Variants in FAM227A observed in about 807,000 individuals in gnomAD.
FAM227A encodes protein FAM227A.
FAM227A carries 80 observed loss-of-function variants against 74.7 expected under a neutral mutation model. The ratio of observed to expected loss-of-function variants is 1.07; its 90% CI spans 0.89 to 1.29. FAM227A has a LOEUF of 1.29. FAM227A is among the 50% of genes most tolerant of loss of function. The pLI is 0.00. For synonymous variants in FAM227A, 237 were observed against 241.8 expected, an observed-to-expected ratio of 0.98 and a Z score of 0.19; for missense variants, 654 against 683.4, an observed-to-expected ratio of 0.96 and a Z score of 0.48.
In FAM227A at chr22:38,582,140, T is replaced by C; in HGVS notation, c.*3985A>G. On this transcript the variant is annotated 3_prime_UTR_variant, in exon 17 of 17. Transcript: ENST00000535113. ...TAGGTGTGTATACACCCATGAGCCA[T>C]TCACCACAATCAAGATAGTAGACAT... is the stretch of plus-strand genomic sequence containing the variant. 1 of 587,846 alleles carries C rather than the reference T, an allele frequency of 1.7e-6. No homozygotes were observed. Among genetic ancestry groups the C allele is most frequent in the South Asian group, 2.1e-5 (1 of 48,660 alleles). The allele number at this position is 587,846 out of a possible 1,614,324, so 36.4% of individuals were successfully genotyped here. A position where few individuals can be genotyped will look rare whatever the true frequency, so the allele number is the denominator to read the frequency against.
At chr22:38,632,145 G>A (rs2091926300) in intron 6 of FAM227A, among the ~76,000 whole-genome samples, 2 of 152,294 alleles carry the variant, frequency 1.3e-5, no homozygotes, top group African/African-American at 4.8e-5. Flanking sequence ...AGGTTAGATA[G>A]AGGCAGAGGG....
At chr22:38,643,272 C>T (rs1169479941) in intron 3 of FAM227A, among the ~76,000 whole-genome samples, 3 of 151,356 alleles carry the variant, frequency 2.0e-5, no homozygotes, top group Non-Finnish European at 2.9e-5. Context: ...GCCAAGATCA[C>T]GCCACTGCAC....
chr22:38,608,786 CTTGTTCCTTTTTTT>C (rs2091346039), intron 11 of FAM227A, among the ~76,000 whole-genome samples: 1 of 145,004 alleles, frequency 6.9e-6, no homozygotes, highest in Non-Finnish European at 1.5e-5. Context: ...AAATAAGACC[CTTGTTCCTTTTTTT>C]TTTTTTTTTT....
At chr22:38,626,126 C>A (rs759147092) in intron 9 of FAM227A, 54 bp downstream of exon 9, 1 of 1,539,696 alleles carries the variant, frequency 6.5e-7, no homozygotes, top group South Asian at 1.2e-5. Context: ...TAGGTGCCAG[C>A]GGAAAACATT....
At chr22:38,610,258 C>G (rs1168199683) in intron 11 of FAM227A, among the ~76,000 whole-genome samples, 1 of 152,124 alleles carries the variant, frequency 6.6e-6, no homozygotes, top group African/African-American at 2.4e-5. Flanking sequence ...CTCCTGGGCT[C>G]AAGCCATCCT....
At chr22:38,645,712 T>G in intron 2 of FAM227A, 67 bp from the exon 3 acceptor site, 6 of 997,108 alleles carry the variant, frequency 6.0e-6, no homozygotes, top group Non-Finnish European at 7.6e-6. Flanking sequence ...GGGGCTTGTC[T>G]GGTGAGAAGG....
chr22:38,629,035 TGTTA>T (rs1209878128), intron 6 of FAM227A, 100 bp from the exon 7 acceptor site: 2 of 696,226 alleles, frequency 2.9e-6, no homozygotes, highest in Non-Finnish European at 2.4e-6. Context: ...CCACCTAATC[TGTTA>T]GTGAGGCCCT....
Position 38,622,407 on chromosome 22 carries a change from G to C in FAM227A, c.958+765C>G, listed in dbSNP as rs138233583. ...GCCCTGCAACAGAGGGACTGGGCTT[G>C]CCTCCACCACCATGTTCCCAGTGCT... On this transcript the variant is annotated intron_variant, in intron 10 of 16. Transcript: ENST00000535113. 2.4e-3 allele frequency among the ~76,000 whole-genome samples: 367 copies of C among 152,330 alleles called. 4 individuals are homozygous for C. The highest frequency in any genetic ancestry group is 8.7e-3 in the African/African-American group (363 of 41,570).
intron 15 of FAM227A, among the ~76,000 whole-genome samples, chr22:38,596,858 C>T (rs2091056324): frequency 6.6e-6 from 1 of 152,078 alleles, no homozygotes; most frequent in African/African-American, 2.4e-5. Flanking sequence ...CTCTACACTA[C>T]TTTATTTAGT....
At chr22:38,593,743 T>C (rs1310861335) in intron 15 of FAM227A, among the ~76,000 whole-genome samples, 1 of 152,098 alleles carries the variant, frequency 6.6e-6, no homozygotes, top group Non-Finnish European at 1.5e-5. Context: ...CAGACTGGAG[T>C]GCACTGGCAT....
rs1436410460 is a variant in FAM227A at position 38,585,605 on chromosome 22, TCACAA to T, written c.*515_*519del. ...CCTCTAGGCCCATTTTCCTTTTCCC[TCACAA>T]CACTTTTCTCTTTTTCCTCTGTCCA... On this transcript the variant is annotated 3_prime_UTR_variant, in exon 17 of 17. Coordinates refer to ENST00000535113, the MANE Select transcript of FAM227A (RefSeq NM_001013647.2). 1 of 156,244 alleles carries T rather than the reference TCACAA, an allele frequency of 6.4e-6. No individual in the cohort carries two copies. Among genetic ancestry groups the T allele is most frequent in the Non-Finnish European group, 1.4e-5 (1 of 70,436 alleles). 9.7% of individuals were successfully genotyped at this position (156,244 alleles called of 1,614,324 possible). A position where few individuals can be genotyped will look rare whatever the true frequency, so the allele number is the denominator to read the frequency against.
At position 38,629,716 on chromosome 22, in the gene FAM227A, T is replaced by C. The variant is rs1423709335; in HGVS notation, c.520-781A>G. ...TTCTTTACCATCACTCACACACAGG[T>C]GCCTCTCCTTTACCATCAGGAAGCG... On this transcript the variant is annotated intron_variant, in intron 6 of 16. Coordinates refer to ENST00000535113, the MANE Select transcript of FAM227A (RefSeq NM_001013647.2). 5.9e-5 allele frequency among the ~76,000 whole-genome samples: 7 copies of C among 118,062 alleles called. No individual in the cohort carries two copies. The East Asian group carries it at 8.1e-4, about 14-fold the overall frequency. 77.5% of individuals were successfully genotyped at this position (118,062 alleles called of 152,430 possible).
intron 1 of FAM227A, among the ~76,000 whole-genome samples, chr22:38,652,614 T>C (rs1261148152): frequency 8.0e-6 from 1 of 124,416 alleles, no homozygotes; most frequent in Non-Finnish European, 1.7e-5. Context: ...AGGTCGGGCG[T>C]GGTGGCTTAC....
intron 13 of FAM227A, among the ~76,000 whole-genome samples, chr22:38,600,950 C>CAA (rs1175644017): frequency 3.6e-4 from 28 of 76,896 alleles, no homozygotes; most frequent in South Asian, 1.6e-3. Flanking sequence ...GACTCCGTCT[C>CAA]AAAAAAAAAA....
At chr22:38,648,963 C>A (rs2092284294) in intron 2 of FAM227A, among the ~76,000 whole-genome samples, 1 of 145,464 alleles carries the variant, frequency 6.9e-6, no homozygotes, top group African/African-American at 2.5e-5. Context: ...CAGAGTGAGA[C>A]TCTGTCTCAA....
At chr22:38,645,705 G>A in intron 2 of FAM227A, 60 bp from the exon 3 acceptor site, 1 of 1,108,032 alleles carries the variant, frequency 9.0e-7, no homozygotes, top group East Asian at 2.7e-5. Flanking sequence ...ACAGGATGGG[G>A]CTTGTCTGGT....
intron 15 of FAM227A, among the ~76,000 whole-genome samples, chr22:38,594,610 G>T (rs577405543): frequency 2.4e-4 from 36 of 152,246 alleles, no homozygotes; most frequent in South Asian, 2.3e-3. Flanking sequence ...GTTGGTGGTG[G>T]TGATGTCTAA....
chr22:38,599,772 C>A lies in FAM227A; in HGVS notation c.1371G>T (p.Thr457=). The change falls in exon 14 of 17, where the codon ACG becomes ACT. Residue 457 remains threonine (T), a synonymous_variant. Transcript: ENST00000535113. ...NVLIVRREKT[T]STPDCTPTYT... is the part of the protein sequence containing the mutation. The stretch of plus-strand genomic sequence containing the variant: ...CACAGTGACAAGGATATGGGGTGCT[C>A]GTGGTCTTTTCCCTTCTGACTATCA... The A allele has an allele frequency of 6.4e-7, 1 of 1,551,048 alleles. No individual in the cohort carries two copies. The highest frequency in any genetic ancestry group is 1.2e-5 in the South Asian group (1 of 83,932).
In FAM227A at chr22:38,625,926, G is replaced by A. The variant is rs550940564; in HGVS notation, c.850+254C>T. Among the ~76,000 whole-genome samples, 19 of 143,646 alleles carry A rather than the reference G, an allele frequency of 1.3e-4. No individual in the cohort carries two copies. In the East Asian group the frequency reaches 3.0e-3, roughly 23 times the overall value. 94.2% of individuals were successfully genotyped at this position (143,646 alleles called of 152,430 possible). A position where few individuals can be genotyped will look rare whatever the true frequency, so the allele number is the denominator to read the frequency against. On this transcript the variant is annotated intron_variant, in intron 9 of 16. Coordinates refer to ENST00000535113, the MANE Select transcript of FAM227A (RefSeq NM_001013647.2). ...CCATTGCACTCCAGCCTGGGTGACC[G>A]AGCGAGACTCTATCTCCAAAAAAAA...
Sources: allele counts gnomAD v4.1 joint callset (sites outside exome capture counted in the v4.1 genomes callset), GRCh38; gene constraint gnomAD v4.1.1; transcripts MANE v1.5; gene names NCBI Gene and HGNC (gene_info 2026-07-23, HGNC 2026-07-21).